Variants in GALNTL6 observed in about 807,000 individuals in gnomAD.
The protein encoded by GALNTL6 is polypeptide N-acetylgalactosaminyltransferase like 6, also known as polypeptide N-acetylgalactosaminyltransferase-like 6.
GALNTL6 carries 46 observed loss-of-function variants against 73.7 expected under a neutral mutation model. That is an observed-to-expected ratio of 0.62 (90% CI 0.49 to 0.80). The LOEUF is 0.80. Among genes scored for constraint, GALNTL6 ranks in the 30% least tolerant of loss-of-function variants. The pLI is 0.00. For missense variants in GALNTL6, 604 were observed against 755.0 expected, an observed-to-expected ratio of 0.80 and a Z score of 2.34; for synonymous variants, 259 against 263.7, an observed-to-expected ratio of 0.98 and a Z score of 0.17.
chr4:172,581,182 GGTAAA>G (rs150241129), intron 5 of GALNTL6, among the ~76,000 whole-genome samples: 250 of 152,236 alleles, frequency 1.6e-3, no homozygotes, highest in African/African-American at 5.3e-3. Context: ...ATAAAGCCAG[GGTAAA>G]GTAAAGATAA....
chr4:172,601,206 C>T (rs1338726001), intron 5 of GALNTL6, among the ~76,000 whole-genome samples: 1 of 152,006 alleles, frequency 6.6e-6, no homozygotes, highest in African/African-American at 2.4e-5. Context: ...TTAGACAATG[C>T]AGATGGAAAG....
intron 5 of GALNTL6, among the ~76,000 whole-genome samples, chr4:172,712,828 A>G (rs898874357): frequency 1.3e-5 from 2 of 152,196 alleles, no homozygotes; most frequent in African/African-American, 4.8e-5. Flanking sequence ...AAAACATTGA[A>G]AGAGAAGCCA....
chr4:172,611,172 T>A (rs1738512611), intron 5 of GALNTL6, among the ~76,000 whole-genome samples: 1 of 152,028 alleles, frequency 6.6e-6, no homozygotes, highest in Admixed American at 6.6e-5. Flanking sequence ...GCATTTAGCA[T>A]GTTTACATTC....
intron 2 of GALNTL6, among the ~76,000 whole-genome samples, chr4:172,045,886 ACT>A (rs1290338956): frequency 1.3e-5 from 2 of 151,654 alleles, no homozygotes; most frequent in Non-Finnish European, 2.9e-5. Flanking sequence ...TCACTATTGT[ACT>A]CTCTGCTTCT....
intron 7 of GALNTL6, among the ~76,000 whole-genome samples, chr4:172,821,299 T>C (rs2111023470): frequency 6.6e-6 from 1 of 152,318 alleles, no homozygotes; most frequent in Admixed American, 6.5e-5. Flanking sequence ...TTCATTCAGA[T>C]TTCAAATCTT....
intron 5 of GALNTL6, among the ~76,000 whole-genome samples, chr4:172,467,044 C>G (rs1266373718): frequency 6.6e-6 from 1 of 152,168 alleles, no homozygotes; most frequent in African/African-American, 2.4e-5. Context: ...TACTCTAAGT[C>G]ACTAACATGC....
At chr4:172,534,119 G>A (rs1304495167) in intron 5 of GALNTL6, among the ~76,000 whole-genome samples, 1 of 152,206 alleles carries the variant, frequency 6.6e-6, no homozygotes, top group Non-Finnish European at 1.5e-5. Context: ...AACGTTTCCT[G>A]TGAGGAACTG....
At chr4:172,380,414 G>C in intron 5 of GALNTL6, 1 of 587,918 alleles carries the variant, frequency 1.7e-6, no homozygotes, top group Non-Finnish European at 3.3e-6. Context: ...ATATGGTTCT[G>C]CTTTGAGGCC....
chr4:172,260,565 C>T (rs1454495248), intron 3 of GALNTL6, among the ~76,000 whole-genome samples: 1 of 151,392 alleles, frequency 6.6e-6, no homozygotes, highest in Non-Finnish European at 1.5e-5. Context: ...TACAGTTTGA[C>T]TTCCATTTTA....
intron 2 of GALNTL6, among the ~76,000 whole-genome samples, chr4:172,090,553 T>C (rs573076681): frequency 3.9e-5 from 6 of 152,328 alleles, no homozygotes; most frequent in African/African-American, 1.4e-4. Context: ...GGGTTGTTTT[T>C]TTCTTGTAAA....
chr4:172,538,764 G>A (rs1735442557), intron 5 of GALNTL6, among the ~76,000 whole-genome samples: 1 of 152,016 alleles, frequency 6.6e-6, no homozygotes, highest in African/African-American at 2.4e-5. Context: ...AAAAATAAAG[G>A]CATTCTAGAA....
chr4:172,822,671 G>T (rs1742000757), intron 7 of GALNTL6, among the ~76,000 whole-genome samples: 1 of 152,116 alleles, frequency 6.6e-6, no homozygotes, highest in Non-Finnish European at 1.5e-5. Flanking sequence ...TAGACCTCCA[G>T]TACCACCCAA....
At chr4:172,706,468 G>A (rs889004191) in intron 5 of GALNTL6, among the ~76,000 whole-genome samples, 1 of 151,790 alleles carries the variant, frequency 6.6e-6, no homozygotes, top group African/African-American at 2.4e-5. Flanking sequence ...TCATTTTTTT[G>A]TCCATTTGGG....
chr4:172,810,085 T>G (rs1020583676), intron 6 of GALNTL6, among the ~76,000 whole-genome samples: 1 of 152,032 alleles, frequency 6.6e-6, no homozygotes, highest in East Asian at 1.9e-4. Context: ...TCTCTCCACT[T>G]CTGGCACCAT....
intron 2 of GALNTL6, among the ~76,000 whole-genome samples, chr4:171,913,612 G>T (rs1313966940): frequency 6.6e-6 from 1 of 151,976 alleles, no homozygotes; most frequent in Admixed American, 6.6e-5. Flanking sequence ...CAGAAAAAAG[G>T]GTAAAAACTG....
chr4:172,268,199 C>A (rs889209124), intron 3 of GALNTL6, among the ~76,000 whole-genome samples: 2 of 152,136 alleles, frequency 1.3e-5, no homozygotes, highest in Non-Finnish European at 2.9e-5. Flanking sequence ...TATATCAAAT[C>A]CTACATTCTG....
In GALNTL6 at chr4:173,007,619, C is replaced by A. The variant is rs140394651; in HGVS notation, c.1372-1559C>A. On this transcript the variant is annotated intron_variant, in intron 10 of 12. Transcript: ENST00000506823. ...GTCGGGAGTTCAAGACCAGCCTGGC[C>A]AACATGGTGAAACCCCATCTCTATA... 3.9e-3 allele frequency among the ~76,000 whole-genome samples: 594 copies of A among 152,146 alleles called. 4 individuals carry two copies. The highest frequency in any genetic ancestry group is 0.014 in the African/African-American group (568 of 41,496).
At chr4:172,885,356 T>G (rs1479997601) in intron 8 of GALNTL6, among the ~76,000 whole-genome samples, 1 of 152,196 alleles carries the variant, frequency 6.6e-6, no homozygotes, top group Non-Finnish European at 1.5e-5. Flanking sequence ...TAGGTATTTT[T>G]AAGCTATTAT....
chr4:172,699,555 C>T (rs779397506), intron 5 of GALNTL6, among the ~76,000 whole-genome samples: 2 of 151,942 alleles, frequency 1.3e-5, no homozygotes, highest in Non-Finnish European at 2.9e-5. Context: ...GAAATAAGTC[C>T]GCAATAAAAA....
Sources: allele counts gnomAD v4.1 joint callset (sites outside exome capture counted in the v4.1 genomes callset), GRCh38; gene constraint gnomAD v4.1.1; transcripts MANE v1.5; gene names NCBI Gene and HGNC (gene_info 2026-07-23, HGNC 2026-07-21).